ACSS2: variants seen among roughly 807,000 people sequenced by gnomAD.
ACSS2 encodes the protein acyl-CoA synthetase short chain family member 2.
ACSS2 carries 58 observed loss-of-function variants against 90.6 expected under a neutral mutation model. The ratio of observed to expected loss-of-function variants is 0.64; its 90% CI spans 0.52 to 0.80. The LOEUF is 0.80. ACSS2 is among the 30% of genes least tolerant of loss of function. The pLI is 0.00. For synonymous variants in ACSS2, 300 were observed against 330.9 expected (o/e 0.91, Z 1.01); for missense variants, 759 against 912.0 (o/e 0.83, Z 2.16).
At chr20:34,899,304 A>G (rs1321954713) in intron 2 of ACSS2, among the ~76,000 whole-genome samples, 2 of 152,242 alleles carry the variant, frequency 1.3e-5, no homozygotes, top group Non-Finnish European at 2.9e-5. Context: ...GTGGGAGCCC[A>G]GGCAGAGGAG....
intron 2 of ACSS2, among the ~76,000 whole-genome samples, chr20:34,895,094 A>G (rs1027251741): frequency 6.6e-6 from 1 of 152,048 alleles, no homozygotes; most frequent in Non-Finnish European, 1.5e-5. Flanking sequence ...ATAACCTTAA[A>G]CTCTTAAAAT....
chr20:34,890,391 G>T (rs982947116), intron 2 of ACSS2, among the ~76,000 whole-genome samples: 1 of 152,128 alleles, frequency 6.6e-6, no homozygotes, highest in African/African-American at 2.4e-5. Flanking sequence ...ATGGGAAAAT[G>T]ATCAGTGACA....
Position 34,914,378 on chromosome 20 carries a change from G to C in ACSS2, c.775G>C (p.Gly259Arg). ...CAAGCACCTGGGGCGGGCAGAGCTC[G>C]GCATGGGTGACTCCACCAGCCAGTC... Reference protein sequence around the residue: ...VVKHLGRAELGMGDSTSQSPP... With the variant: ...VVKHLGRAELRMGDSTSQSPP... The change falls in exon 7 of 18, where the codon GGC (glycine) becomes CGC (arginine). Residue 259 changes from glycine to arginine, a missense_variant. By Grantham distance (125) the Gly-to-Arg change is moderately radical (BLOSUM62 -2). Transcript: ENST00000360596. 6.2e-7 allele frequency: 1 copy of C among 1,613,884 alleles called. No individual in the cohort carries two copies. The highest frequency in any genetic ancestry group is 8.5e-7 in the Non-Finnish European group (1 of 1,179,932).
chr20:34,924,404 A>C (rs1176715501), intron 14 of ACSS2, among the ~76,000 whole-genome samples: 1 of 152,226 alleles, frequency 6.6e-6, no homozygotes, highest in Non-Finnish European at 1.5e-5. Context: ...GCTACTGTAC[A>C]CAGGATCGTC....
At chr20:34,890,622 C>T (rs112047594) in intron 2 of ACSS2, among the ~76,000 whole-genome samples, 12 of 152,228 alleles carry the variant, frequency 7.9e-5, no homozygotes, top group African/African-American at 2.6e-4. Flanking sequence ...CTAGAAGTCC[C>T]CAGTAACCAA....
chr20:34,883,065 C>A, intron 2 of ACSS2, 76 bp downstream of exon 2: 1 of 1,169,156 alleles, frequency 8.6e-7, no homozygotes, highest in Non-Finnish European at 1.2e-6. Flanking sequence ...GTAGAGTAAG[C>A]AAAGTGTCAT....
intron 2 of ACSS2, among the ~76,000 whole-genome samples, chr20:34,897,933 G>T (rs1009670518): frequency 2.0e-5 from 3 of 152,138 alleles, no homozygotes; most frequent in Admixed American, 6.5e-5. Context: ...GTCCGGAATT[G>T]GTGGGTTCTT....
Position 34,920,544 on chromosome 20 carries a change from G to C in ACSS2, c.978G>C (p.Val326=). The change falls in exon 9 of 18, where the codon GTG becomes GTC. Residue 326 remains valine (V), a synonymous_variant. Coordinates refer to ENST00000360596, the MANE Select transcript of ACSS2 (RefSeq NM_018677.4). ...GTTCCCCATTCTTCCCACAGGGTGT[G>C]GTTCACACAGTTGGGGGCTACATGC... ...TSGSTGKPKG[V]VHTVGGYMLY... 1 of 1,613,760 alleles carries C rather than the reference G, an allele frequency of 6.2e-7. No individual in the cohort carries two copies. Among genetic ancestry groups the C allele is most frequent in the South Asian group, 1.1e-5 (1 of 91,052 alleles).
At chr20:34,902,485 CAAG>C (rs971179603) in intron 2 of ACSS2, among the ~76,000 whole-genome samples, 2 of 151,916 alleles carry the variant, frequency 1.3e-5, no homozygotes, top group African/African-American at 4.8e-5. Flanking sequence ...ATTTGAAACA[CAAG>C]AAGAGTTGGG....
At chr20:34,924,608 A>C (rs938274036) in intron 14 of ACSS2, among the ~76,000 whole-genome samples, 1 of 152,210 alleles carries the variant, frequency 6.6e-6, no homozygotes, top group African/African-American at 2.4e-5. Context: ...GGAGACGTAC[A>C]TAATACAGGG....
intron 13 of ACSS2, chr20:34,922,282 C>T (rs375498277): frequency 6.2e-6 from 1 of 161,020 alleles, no homozygotes; most frequent in East Asian, 1.8e-4. Context: ...TCTGAATCTA[C>T]ATTTTCTAAT....
At chr20:34,925,106 T>C (rs1485778485) in intron 14 of ACSS2, among the ~76,000 whole-genome samples, 1 of 152,180 alleles carries the variant, frequency 6.6e-6, no homozygotes, top group Non-Finnish European at 1.5e-5. Context: ...ATGGAACAAA[T>C]TATCCCAAAA....
chr20:34,876,479 A>T (rs1458997159), upstream of ACSS2: 5 of 703,626 alleles, frequency 7.1e-6, no homozygotes, highest in Admixed American at 4.4e-5. Context: ...CCCCAACCAG[A>T]CACGGCCCCG....
Position 34,925,756 on chromosome 20 carries a change from CAATGT to C in ACSS2, c.1718_1722del (p.Asn573IlefsTer18), listed in dbSNP as rs1399127295. ...TCACTGGCAGGATTGATGACATGCTCAATGTATCTGGTGAGGGCCAGGGGCCACCT... is the reference window on the plus strand; with the variant it reads ...TCACTGGCAGGATTGATGACATGCTCATCTGGTGAGGGCCAGGGGCCACCT... On this transcript the variant is annotated frameshift_variant, in exon 15 of 18. Transcript: ENST00000360596. LOFTEE classifies it high-confidence loss of function. 1.9e-6 allele frequency: 3 copies of C among 1,613,080 alleles called. No homozygotes were observed. The highest frequency in any genetic ancestry group is 2.5e-6 in the Non-Finnish European group (3 of 1,179,702).
At chr20:34,891,999 T>C (rs902169753) in intron 2 of ACSS2, among the ~76,000 whole-genome samples, 6 of 152,260 alleles carry the variant, frequency 3.9e-5, no homozygotes, top group Non-Finnish European at 7.3e-5. Context: ...AAACATTTAA[T>C]GAAAAGAATG....
At chr20:34,923,926 T>C (rs1229367116) in intron 14 of ACSS2, among the ~76,000 whole-genome samples, 1 of 151,674 alleles carries the variant, frequency 6.6e-6, no homozygotes, top group Non-Finnish European at 1.5e-5. Flanking sequence ...CTATATCAGT[T>C]GGTTAGGGGT....
intron 2 of ACSS2, among the ~76,000 whole-genome samples, chr20:34,906,146 T>TA (rs1034779614): frequency 4.6e-5 from 7 of 151,976 alleles, no homozygotes; most frequent in African/African-American, 1.7e-4. Flanking sequence ...CCATCCTGGC[T>TA]AACACGGTGA....
At position 34,927,559 on chromosome 20, in the gene ACSS2, A is replaced by G. The variant is rs2081345896; in HGVS notation, c.*345A>G. 1 of 296,696 alleles carries G rather than the reference A, an allele frequency of 3.4e-6. No individual in the cohort carries two copies. The highest frequency in any genetic ancestry group is 6.4e-6 in the Non-Finnish European group (1 of 155,674). 18.4% of individuals were successfully genotyped at this position (296,696 alleles called of 1,614,324 possible). On this transcript the variant is annotated 3_prime_UTR_variant, in exon 18 of 18. Coordinates refer to ENST00000360596, the MANE Select transcript of ACSS2 (RefSeq NM_018677.4). The surrounding 1 kb of genome is among the most constrained non-coding windows in gnomAD (Gnocchi z 4.2). ...GGAGGCAGCTGTGTAATCCTATGTC[A>G]GCTCTCTTAGGAAGCCCCAGTACTT...
intron 2 of ACSS2, among the ~76,000 whole-genome samples, chr20:34,908,170 G>A (rs1475662019): frequency 6.6e-6 from 1 of 152,204 alleles, no homozygotes; most frequent in Non-Finnish European, 1.5e-5. Flanking sequence ...GTCTGAAGGA[G>A]GAGGGAGAAT....
Sources: allele counts gnomAD v4.1 joint callset (sites outside exome capture counted in the v4.1 genomes callset), GRCh38; gene constraint gnomAD v4.1.1; non-coding constraint Gnocchi (gnomAD v3.1); transcripts MANE v1.5; gene names NCBI Gene and HGNC (gene_info 2026-07-23, HGNC 2026-07-21).